The following KLHDC7B variants were observed in gnomAD, a reference collection of about 807,000 sequenced individuals.
KLHDC7B encodes the protein kelch domain-containing protein 7B.
Under a neutral mutation model 0.6 loss-of-function variants are expected in KLHDC7B, and 1 was observed. The ratio of observed to expected loss-of-function variants is 1.71; its 90% confidence interval spans 0.61 to 8.11. The LOEUF is 8.11. KLHDC7B is among the 30% of genes most tolerant of loss of function. KLHDC7B has a pLI of 0.13. For synonymous variants in KLHDC7B, 462 were observed against 405.2 expected, an observed-to-expected ratio of 1.14 and a Z score of -1.68; for missense variants, 993 against 894.9, an observed-to-expected ratio of 1.11 and a Z score of -1.40.
chr22:50,549,754 G>GCCCCCC lies in KLHDC7B; in HGVS notation c.3515_3516insCCCCCC (p.Pro1172_Leu1173insProPro), dbSNP rs2148696345. 3.7e-6 allele frequency: 4 copies of GCCCCCC among 1,087,072 alleles called. No homozygotes were observed. Among genetic ancestry groups the GCCCCCC allele is most frequent in the Admixed American group, 4.9e-5 (2 of 41,186 alleles). The allele number at this position is 1,087,072 out of a possible 1,614,324, so 67.3% of individuals were successfully genotyped here. A position where few individuals can be genotyped will look rare whatever the true frequency, so the allele number is the denominator to read the frequency against. ...TGCCTCCCTGCCCCTGCCCGCCCCC[G>GCCCCCC]CCCCACTGCACTGCACCACCCTGGG... On this transcript the variant is annotated inframe_insertion, in exon 1 of 1. Coordinates refer to ENST00000648057, the MANE Select transcript of KLHDC7B (RefSeq NM_138433.5).
At position 50,548,529 on chromosome 22, in the gene KLHDC7B, G is replaced by C. The variant is rs921821295; in HGVS notation, c.2286G>C (p.Ala762=). 7 of 1,553,522 alleles carry C rather than the reference G, an allele frequency of 4.5e-6. No homozygotes were observed. Among genetic ancestry groups the C allele is most frequent in the Admixed American group, 3.9e-5 (2 of 51,196 alleles). The change falls in exon 1 of 1, where the codon GCG becomes GCC. Residue 762 remains alanine, a synonymous_variant. Transcript: ENST00000648057. The surrounding 1 kb of genome is among the most constrained non-coding windows in gnomAD (Gnocchi z 5.3). The part of the protein sequence containing the change: ...RPPGPAASSS[A]RRSQPVPQLR... ...CTGGCCCCGCGGCCTCCTCCTCTGC[G>C]AGGCGCTCACAGCCGGTACCCCAGC...
rs1603442603 is a variant in KLHDC7B at position 50,548,031 on chromosome 22, C to T, written c.1788C>T (p.Ala596=). 1 of 777,944 alleles carries T rather than the reference C, an allele frequency of 1.3e-6. No homozygotes were observed. Among genetic ancestry groups the T allele is most frequent in the Non-Finnish European group, 1.8e-6 (1 of 570,984 alleles). The allele number at this position is 777,944 out of a possible 1,614,324, so 48.2% of individuals were successfully genotyped here. The change falls in exon 1 of 1, where the codon GCC becomes GCT. Residue 596 remains alanine, a synonymous_variant. Transcript: ENST00000648057. The surrounding 1 kb of genome is among the most constrained non-coding windows in gnomAD (Gnocchi z 5.3). ...APTPAASPAP[A]PTSAPTPTPA... ...CCCCAGCCGCATCCCCTGCCCCAGC[C>T]CCCACCTCAGCCCCAACCCCAACCC...
In KLHDC7B at chr22:50,547,897, A is replaced by T. The variant is rs1345107184; in HGVS notation, c.1654A>T (p.Thr552Ser). Residue 552 changes from threonine to serine, a missense_variant, in exon 1 of 1, where the codon ACC becomes TCC. Transcript: ENST00000648057. ...PPSPALTPVP[T>S]PALSPAPTPA... ...ATCCCCAGCCCTAACCCCAGTCCCAACCCCAGCCCTAAGCCCAGCTCCAAC... is the reference window on the plus strand; with the variant it reads ...ATCCCCAGCCCTAACCCCAGTCCCATCCCCAGCCCTAAGCCCAGCTCCAAC... 2 of 348,994 alleles carry T rather than the reference A, an allele frequency of 5.7e-6. No individual in the cohort carries two copies. The highest frequency in any genetic ancestry group is 2.9e-5 in the African/African-American group (1 of 33,922). The allele number at this position is 348,994 out of a possible 1,614,324, so 21.6% of individuals were successfully genotyped here.
At position 50,549,589 on chromosome 22, in the gene KLHDC7B, G is replaced by C; in HGVS notation, c.3346G>C (p.Glu1116Gln). The change falls in exon 1 of 1, where the codon GAG (glutamate) becomes CAG (glutamine). Residue 1116 changes from glutamate to glutamine, a missense_variant. Coordinates refer to ENST00000648057, the MANE Select transcript of KLHDC7B (RefSeq NM_138433.5). ...RYSPVKDAWD[E>Q]CPYSASHRRS... ...CAGCCCCGTGAAGGATGCTTGGGAC[G>C]AGTGCCCATACAGTGCCAGCCACCG... 1 of 1,572,252 alleles carries C rather than the reference G, an allele frequency of 6.4e-7. No individual in the cohort carries two copies. The highest frequency in any genetic ancestry group is 1.2e-5 in the South Asian group (1 of 85,392).
In KLHDC7B at chr22:50,549,754, G is replaced by A. The variant is rs202113666; in HGVS notation, c.3511G>A (p.Ala1171Thr). The change falls in exon 1 of 1, where the codon GCC becomes ACC. Residue 1171 changes from alanine to threonine, a missense_variant. Physicochemically the swap from Ala to Thr is moderately conservative, Grantham distance 58 (BLOSUM62 0). Transcript: ENST00000648057. ...RAASLPLPAPAPLHCTTLGNT... is the reference protein window; with the variant it reads ...RAASLPLPAPTPLHCTTLGNT... ...TGCCTCCCTGCCCCTGCCCGCCCCC[G>A]CCCCACTGCACTGCACCACCCTGGG... 71 of 1,087,586 alleles carry A rather than the reference G, an allele frequency of 6.5e-5. No individual in the cohort carries two copies. The East Asian group carries it at 7.7e-4, about 12-fold the overall frequency. 67.4% of individuals were successfully genotyped at this position (1,087,586 alleles called of 1,614,324 possible).
Position 50,549,998 on chromosome 22 carries a change from C to G in KLHDC7B, c.*47C>G. 1 of 1,465,992 alleles carries G rather than the reference C, an allele frequency of 6.8e-7. No homozygotes were observed. Among genetic ancestry groups the G allele is most frequent in the Non-Finnish European group, 9.1e-7 (1 of 1,100,848 alleles). 90.8% of individuals were successfully genotyped at this position (1,465,992 alleles called of 1,614,324 possible). A position where few individuals can be genotyped will look rare whatever the true frequency, so the allele number is the denominator to read the frequency against. On this transcript the variant is annotated 3_prime_UTR_variant, in exon 1 of 1. Transcript: ENST00000648057. ...CTGCTTCGCTGCTCTCCAGGGAGAC[C>G]CTCCTGGGATGGGCCTGAGAGGCCG...
In KLHDC7B at chr22:50,545,973, G is replaced by A. The variant is rs1283049956; in HGVS notation, c.-271G>A. Among the ~76,000 whole-genome samples the A allele has an allele frequency of 1.6e-5, 2 of 128,644 alleles. No homozygotes were observed. Among genetic ancestry groups the A allele is most frequent in the African/African-American group, 5.1e-5 (2 of 39,220 alleles). The allele number at this position is 128,644 out of a possible 152,430, so 84.4% of individuals were successfully genotyped here. On this transcript the variant is annotated 5_prime_UTR_variant, in exon 1 of 1. Transcript: ENST00000648057. ...AGGACCCTGGGGCCTACGAGGAGGA[G>A]AAGAGGGCAGGAGCTGGTGGGGTGC...
Position 50,547,749 on chromosome 22 carries a change from C to A in KLHDC7B, c.1506C>A (p.Pro502=). 2 of 496,076 alleles carry A rather than the reference C, an allele frequency of 4.0e-6. No homozygotes were observed. Among genetic ancestry groups the A allele is most frequent in the Non-Finnish European group, 3.6e-6 (1 of 281,488 alleles). The allele number at this position is 496,076 out of a possible 1,614,324, so 30.7% of individuals were successfully genotyped here. A position where few individuals can be genotyped will look rare whatever the true frequency, so the allele number is the denominator to read the frequency against. ...CAGCCACCACCTCAACCTCATCCCC[C>A]ACCTCAGCCCCAGCCCCAGCTCCAA... ...PTSATTSTSS[P]TSAPAPAPTS... Residue 502 remains proline (P), a synonymous_variant, in exon 1 of 1, where the codon CCC becomes CCA. Coordinates refer to ENST00000648057, the MANE Select transcript of KLHDC7B (RefSeq NM_138433.5).
In KLHDC7B at chr22:50,550,958, T is replaced by A; in HGVS notation, c.*1007T>A. 3.0e-6 allele frequency: 1 copy of A among 333,250 alleles called. No individual in the cohort carries two copies. Among genetic ancestry groups the A allele is most frequent in the South Asian group, 4.9e-5 (1 of 20,532 alleles). 20.6% of individuals were successfully genotyped at this position (333,250 alleles called of 1,614,324 possible). A position where few individuals can be genotyped will look rare whatever the true frequency, so the allele number is the denominator to read the frequency against. On this transcript the variant is annotated 3_prime_UTR_variant, in exon 1 of 1. Coordinates refer to ENST00000648057, the MANE Select transcript of KLHDC7B (RefSeq NM_138433.5). ...AGCCTGGATGTCCCTGTCTGGGCCCTTTTTCTGTTTTTTATTCTATGTTCA... is the reference window on the plus strand; with the variant it reads ...AGCCTGGATGTCCCTGTCTGGGCCCATTTTCTGTTTTTTATTCTATGTTCA...
Position 50,549,679 on chromosome 22 carries a change from G to A in KLHDC7B, c.3436G>A (p.Gly1146Ser), listed in dbSNP as rs773525159. The A allele has an allele frequency of 1.3e-6, 2 of 1,553,992 alleles. No individual in the cohort carries two copies. Among genetic ancestry groups the A allele is most frequent in the Non-Finnish European group, 1.7e-6 (2 of 1,149,580 alleles). The change falls in exon 1 of 1, where the codon GGC (glycine) becomes AGC (serine). Residue 1146 changes from glycine (G) to serine (S), a missense_variant. Physicochemically the swap from Gly to Ser is moderately conservative, Grantham distance 56. Coordinates refer to ENST00000648057, the MANE Select transcript of KLHDC7B (RefSeq NM_138433.5). ...CCGCTTCGACCTGCTGCGGGGCGTGGGCGCCGCCGTGATGCGCTACAACAC... is the reference window on the plus strand; with the variant it reads ...CCGCTTCGACCTGCTGCGGGGCGTGAGCGCCGCCGTGATGCGCTACAACAC... ...LYRFDLLRGV[G>S]AAVMRYNTVT...
chr22:50,548,919 G>A lies in KLHDC7B; in HGVS notation c.2676G>A (p.Leu892=). 1 of 1,595,306 alleles carries A rather than the reference G, an allele frequency of 6.3e-7. No individual in the cohort carries two copies. Among genetic ancestry groups the A allele is most frequent in the Admixed American group, 1.7e-5 (1 of 57,890 alleles). The change falls in exon 1 of 1, where the codon CTG becomes CTA. Residue 892 remains leucine (L), a synonymous_variant. Coordinates refer to ENST00000648057, the MANE Select transcript of KLHDC7B (RefSeq NM_138433.5). The surrounding 1 kb of genome is among the most constrained non-coding windows in gnomAD (Gnocchi z 5.3). The part of the protein sequence containing the change: ...ETYALMSDNL[L]RVLGDPCLYR... ...ACGCGCTGATGAGCGACAACCTGCT[G>A]CGAGTGCTGGGAGACCCGTGCCTCT...
rs755456901 is a variant in KLHDC7B at position 50,551,017 on chromosome 22, G to A, written c.*1066G>A. The stretch of plus-strand genomic sequence containing the variant: ...GGCACCAAATACATTTTAATTCACC[G>A]AAAGCACCTGCAGCTTGCACTTGTT... On this transcript the variant is annotated 3_prime_UTR_variant, in exon 1 of 1. Coordinates refer to ENST00000648057, the MANE Select transcript of KLHDC7B (RefSeq NM_138433.5). 7 of 504,446 alleles carry A rather than the reference G, an allele frequency of 1.4e-5. No homozygotes were observed. The highest frequency in any genetic ancestry group is 5.7e-5 in the African/African-American group (3 of 52,178). The allele number at this position is 504,446 out of a possible 1,614,324, so 31.2% of individuals were successfully genotyped here. A position where few individuals can be genotyped will look rare whatever the true frequency, so the allele number is the denominator to read the frequency against.
Position 50,547,091 on chromosome 22 carries a change from C to T in KLHDC7B, c.848C>T (p.Ala283Val), listed in dbSNP as rs2069738453. Among the ~76,000 whole-genome samples the T allele has an allele frequency of 6.6e-6, 1 of 151,908 alleles. No homozygotes were observed. Among genetic ancestry groups the T allele is most frequent in the Admixed American group, 6.6e-5 (1 of 15,262 alleles). Residue 283 changes from alanine to valine, a missense_variant, in exon 1 of 1, where the codon GCC becomes GTC. Ala to Val is a moderately conservative substitution (Grantham distance 64, BLOSUM62 0). Transcript: ENST00000648057. Reference protein sequence around the residue: ...ARGLPTGPPLAQEPALPALPA... With the variant: ...ARGLPTGPPLVQEPALPALPA... ...GGCCTCCCCACAGGACCCCCACTCG[C>T]CCAGGAGCCCGCACTCCCGGCGCTG...
chr22:50,548,799 G>T lies in KLHDC7B; in HGVS notation c.2556G>T (p.Ala852=), dbSNP rs769369285. The change falls in exon 1 of 1, where the codon GCG becomes GCT. Residue 852 remains alanine (A), a synonymous_variant. Coordinates refer to ENST00000648057, the MANE Select transcript of KLHDC7B (RefSeq NM_138433.5). This position sits in a 1 kb window ranked among gnomAD's most constrained non-coding sequence, Gnocchi z 5.3. ...PSSRALEPAT[A]AALRRRLDLG... The stretch of plus-strand genomic sequence containing the variant: ...CCCGGGCCCTGGAGCCCGCCACGGC[G>T]GCAGCCCTGCGGCGGCGGCTGGACC... The T allele has an allele frequency of 1.4e-6, 2 of 1,468,960 alleles. No homozygotes were observed. The highest frequency in any genetic ancestry group is 1.5e-5 in the African/African-American group (1 of 67,632). 91.0% of individuals were successfully genotyped at this position (1,468,960 alleles called of 1,614,324 possible).
Position 50,549,828 on chromosome 22 carries a change from C to T in KLHDC7B, c.3585C>T (p.Val1195=), listed in dbSNP as rs746241031. The T allele has an allele frequency of 2.5e-5, 40 of 1,587,244 alleles. No homozygotes were observed. Among genetic ancestry groups the T allele is most frequent in the Admixed American group, 2.1e-4 (12 of 56,236 alleles). ...CCCAGGTCACTGCCACCTTCACGGT[C>T]TCTGGGGGGACTGCCCAGTTCCAGG... is the stretch of plus-strand genomic sequence containing the variant. The part of the protein sequence containing the change: ...LNPQVTATFT[V]SGGTAQFQAK... The change falls in exon 1 of 1, where the codon GTC becomes GTT. Residue 1195 remains valine (V), a synonymous_variant. Coordinates refer to ENST00000648057, the MANE Select transcript of KLHDC7B (RefSeq NM_138433.5).
chr22:50,548,710 C>T lies in KLHDC7B; in HGVS notation c.2467C>T (p.Leu823Phe), dbSNP rs536929245. The change falls in exon 1 of 1, where the codon CTC becomes TTC. Residue 823 changes from leucine to phenylalanine, a missense_variant. Coordinates refer to ENST00000648057, the MANE Select transcript of KLHDC7B (RefSeq NM_138433.5). This position sits in a 1 kb window ranked among gnomAD's most constrained non-coding sequence, Gnocchi z 5.3. Reference sequence around the variant, plus strand: ...GGAAAAGCAGGAGGAGGCCCGGAAGCTCATGGTGTTTCTGCAGAGGCCCGG... The same window carrying T: ...GGAAAAGCAGGAGGAGGCCCGGAAGTTCATGGTGTTTCTGCAGAGGCCCGG... ...LTEKQEEARK[L>F]MVFLQRPGGW... is the part of the protein sequence containing the mutation. 2.8e-5 allele frequency: 43 copies of T among 1,510,240 alleles called. No homozygotes were observed. In the African/African-American group the frequency reaches 5.7e-4, roughly 20 times the overall value. The allele number at this position is 1,510,240 out of a possible 1,614,324, so 93.6% of individuals were successfully genotyped here.
In KLHDC7B at chr22:50,550,042, G is replaced by A; in HGVS notation, c.*91G>A. The A allele has an allele frequency of 2.3e-6, 3 of 1,308,760 alleles. No homozygotes were observed. The highest frequency in any genetic ancestry group is 3.0e-5 in the Admixed American group (1 of 33,728). The allele number at this position is 1,308,760 out of a possible 1,614,324, so 81.1% of individuals were successfully genotyped here. A position where few individuals can be genotyped will look rare whatever the true frequency, so the allele number is the denominator to read the frequency against. On this transcript the variant is annotated 3_prime_UTR_variant, in exon 1 of 1. Coordinates refer to ENST00000648057, the MANE Select transcript of KLHDC7B (RefSeq NM_138433.5). ...GAGGCCGGGGCTCAGGGAAGGGGCT[G>A]GGATCGGAACTTCCTGCTCTTGTTT...
In KLHDC7B at chr22:50,546,516, A is replaced by C; in HGVS notation, c.273A>C (p.Pro91=). The C allele has an allele frequency of 2.5e-6, 1 of 399,060 alleles. No homozygotes were observed. Among genetic ancestry groups the C allele is most frequent in the East Asian group, 3.6e-5 (1 of 28,068 alleles). The allele number at this position is 399,060 out of a possible 1,614,324, so 24.7% of individuals were successfully genotyped here. A position where few individuals can be genotyped will look rare whatever the true frequency, so the allele number is the denominator to read the frequency against. ...GTGATGGCAGCGAGGGGCAGAGCCC[A>C]GGGCAGGGGAAACCAGAGCCCCCAG... is the stretch of plus-strand genomic sequence containing the variant. The part of the protein sequence containing the change: ...KVSDGSEGQS[P]GQGKPEPPGR... Residue 91 remains proline, a synonymous_variant, in exon 1 of 1, where the codon CCA becomes CCC. Transcript: ENST00000648057.
rs2069726677 is a variant in KLHDC7B at position 50,546,182 on chromosome 22, A to G, written c.-62A>G. 6.6e-6 allele frequency among the ~76,000 whole-genome samples: 1 copy of G among 152,204 alleles called. No individual in the cohort carries two copies. Among genetic ancestry groups the G allele is most frequent in the South Asian group, 2.1e-4 (1 of 4,828 alleles). ...CAGGCGCTGGCCGGTGCCTCAGCCC[A>G]GGCCTCTGTGCTCTGCATGCACTGC... is the stretch of plus-strand genomic sequence containing the variant. On this transcript the variant is annotated 5_prime_UTR_variant, in exon 1 of 1. Transcript: ENST00000648057.
Sources: allele counts gnomAD v4.1 joint callset (sites outside exome capture counted in the v4.1 genomes callset), GRCh38; gene constraint gnomAD v4.1.1; non-coding constraint Gnocchi (gnomAD v3.1); transcripts MANE v1.5; gene names NCBI Gene and HGNC (gene_info 2026-07-23, HGNC 2026-07-21).